The following KCNG3 variants were observed in gnomAD, a reference collection of about 807,000 sequenced individuals.
KCNG3 encodes potassium voltage-gated channel modifier subfamily G member 3.
KCNG3 carries 15 observed loss-of-function variants against 29.0 expected under a neutral mutation model. The ratio of observed to expected loss-of-function variants is 0.52; its 90% CI spans 0.35 to 0.80. The LOEUF (loss-of-function observed/expected upper bound fraction) is 0.80. Among genes scored for constraint, KCNG3 ranks in the 30% least tolerant of loss-of-function variants. The pLI, the probability that KCNG3 is intolerant of heterozygous loss-of-function variation, is 0.01. For missense variants in KCNG3, 512 were observed against 605.7 expected, an observed-to-expected ratio of 0.85 and a Z score of 1.62; for synonymous variants, 322 against 248.9, an observed-to-expected ratio of 1.29 and a Z score of -2.76.
the KCNG3 span, among the ~76,000 whole-genome samples, chr2:42,400,208 A>G: frequency 6.6e-6 from 1 of 152,310 alleles, no homozygotes; most frequent in East Asian, 1.9e-4. Context: ...CCCAGTAGAA[A>G]GAAGCTAGAG....
At chr2:42,458,255 A>G (rs1291204389) in intron 1 of KCNG3, among the ~76,000 whole-genome samples, 4 of 152,242 alleles carry the variant, frequency 2.6e-5, no homozygotes, top group Admixed American at 1.3e-4. Flanking sequence ...AGGGGCTGCT[A>G]TTATTCCGTC....
chr2:42,481,074 C>T (rs901938919), intron 1 of KCNG3, among the ~76,000 whole-genome samples: 1 of 152,198 alleles, frequency 6.6e-6, no homozygotes, highest in African/African-American at 2.4e-5. Context: ...AGCCACTGCG[C>T]CTGGCCAAAA....
At chr2:42,458,328 A>T (rs1315897175) in intron 1 of KCNG3, among the ~76,000 whole-genome samples, 3 of 152,188 alleles carry the variant, frequency 2.0e-5, no homozygotes, top group African/African-American at 7.2e-5. Flanking sequence ...GCAGACAGGA[A>T]CATGCGCCCT....
At chr2:42,453,960 C>A (rs1672821844) in intron 1 of KCNG3, among the ~76,000 whole-genome samples, 1 of 152,064 alleles carries the variant, frequency 6.6e-6, no homozygotes, top group South Asian at 2.1e-4. Flanking sequence ...ATTGAAGAGA[C>A]TGTCCTGGAC....
chr2:42,479,671 T>G (rs112250130), intron 1 of KCNG3, among the ~76,000 whole-genome samples: 9,954 of 135,614 alleles, frequency 0.073, 537 homozygotes, highest in East Asian at 0.26. Flanking sequence ...GAAAGAAAAA[T>G]AAAGAAAAAA....
the KCNG3 span, among the ~76,000 whole-genome samples, chr2:42,398,742 G>A: frequency 6.6e-6 from 1 of 152,188 alleles, no homozygotes; most frequent in African/African-American, 2.4e-5. Context: ...CAGGAGCCGG[G>A]CTCATTTTGG....
At chr2:42,477,235 C>T (rs1673450345) in intron 1 of KCNG3, among the ~76,000 whole-genome samples, 1 of 149,086 alleles carries the variant, frequency 6.7e-6, no homozygotes, top group African/African-American at 2.5e-5. Context: ...AAAAAAAATA[C>T]TTAGATCAAA....
At chr2:42,411,834 C>T in the KCNG3 span, among the ~76,000 whole-genome samples, 1 of 152,196 alleles carries the variant, frequency 6.6e-6, no homozygotes. Context: ...GTACTTGCTA[C>T]CATCAATTGG....
intron 1 of KCNG3, chr2:42,463,286 C>T (rs1239246483): frequency 9.6e-6 from 2 of 208,866 alleles, no homozygotes; most frequent in African/African-American, 4.7e-5. Flanking sequence ...ACACTTTAGC[C>T]AAGAAGCAGG....
the KCNG3 span, among the ~76,000 whole-genome samples, chr2:42,419,624 C>T: frequency 2.6e-5 from 4 of 152,128 alleles, no homozygotes; most frequent in Admixed American, 1.3e-4. Flanking sequence ...CAAAGGTTTG[C>T]TAAACCAGAA....
At position 42,493,054 on chromosome 2, in the gene KCNG3, A is replaced by G. The variant is rs1410023438; in HGVS notation, c.448T>C (p.Ser150Pro). ...ARPGGAEAAPSRRWLERMRRT... is the reference protein window; with the variant it reads ...ARPGGAEAAPPRRWLERMRRT... ...CGCATGCGCTCCAGCCAGCGCCTGGAGGGAGCCGCCTCGGCCCCGCCGGGG... is the reference window on the plus strand; with the variant it reads ...CGCATGCGCTCCAGCCAGCGCCTGGGGGGAGCCGCCTCGGCCCCGCCGGGG... Residue 150 changes from serine (S) to proline (P), a missense_variant, in exon 1 of 2, where the codon TCC becomes CCC. By Grantham distance (74) the Ser-to-Pro change is moderately conservative (BLOSUM62 -1). This residue lies in a region of KCNG3 where 228 missense variants were observed against 200.0 expected (regional missense o/e 1.14). Coordinates refer to ENST00000306078, the MANE Select transcript of KCNG3 (RefSeq NM_133329.6). The G allele has an allele frequency of 1.3e-6, 2 of 1,526,082 alleles. No individual in the cohort carries two copies. Among genetic ancestry groups the G allele is most frequent in the East Asian group, 5.0e-5 (2 of 40,234 alleles). The allele number at this position is 1,526,082 out of a possible 1,614,324, so 94.5% of individuals were successfully genotyped here.
At chr2:42,468,674 G>C (rs1353649681) in intron 1 of KCNG3, among the ~76,000 whole-genome samples, 1 of 152,032 alleles carries the variant, frequency 6.6e-6, no homozygotes, top group Non-Finnish European at 1.5e-5. Flanking sequence ...CCACTCTCAG[G>C]CTGGGCGCAG....
chr2:42,395,326 C>T, the KCNG3 span, among the ~76,000 whole-genome samples: 2 of 152,164 alleles, frequency 1.3e-5, no homozygotes, highest in African/African-American at 4.8e-5. Context: ...CTCCCTTTTA[C>T]AGCACACTCA....
At chr2:42,417,680 T>C in the KCNG3 span, among the ~76,000 whole-genome samples, 1 of 152,220 alleles carries the variant, frequency 6.6e-6, no homozygotes, top group South Asian at 2.1e-4. Flanking sequence ...TAGTAAACTA[T>C]ACTGACACAA....
chr2:42,449,783 G>A (rs1157419694), intron 1 of KCNG3, among the ~76,000 whole-genome samples: 1 of 152,164 alleles, frequency 6.6e-6, no homozygotes, highest in East Asian at 1.9e-4. Context: ...ATCTTAGGTA[G>A]TAAACTGGTA....
At chr2:42,490,868 T>C (rs748005422) in intron 1 of KCNG3, among the ~76,000 whole-genome samples, 2 of 152,178 alleles carry the variant, frequency 1.3e-5, no homozygotes, top group Non-Finnish European at 2.9e-5. Flanking sequence ...ATACTTAAAG[T>C]GACAGGTTAA....
intron 1 of KCNG3, among the ~76,000 whole-genome samples, chr2:42,487,516 T>C (rs966509937): frequency 2.0e-5 from 3 of 152,086 alleles, no homozygotes; most frequent in African/African-American, 7.2e-5. Flanking sequence ...GCAAGATGAA[T>C]GACTCCTCAA....
At chr2:42,476,129 C>T (rs1673418630) in intron 1 of KCNG3, among the ~76,000 whole-genome samples, 1 of 152,036 alleles carries the variant, frequency 6.6e-6, no homozygotes, top group African/African-American at 2.4e-5. Context: ...AAAGTAAGTA[C>T]AGTTTTTTAA....
At chr2:42,426,860 T>A in the KCNG3 span, among the ~76,000 whole-genome samples, 1 of 152,220 alleles carries the variant, frequency 6.6e-6, no homozygotes. Flanking sequence ...AAGGCAAGTA[T>A]CTTTATCACA....
Sources: allele counts gnomAD v4.1 joint callset (sites outside exome capture counted in the v4.1 genomes callset), GRCh38; gene constraint gnomAD v4.1.1; regional missense constraint gnomAD v4.1.1; transcripts MANE v1.5; gene names NCBI Gene and HGNC (gene_info 2026-07-23, HGNC 2026-07-21).